Variants in PTPRC observed in about 807,000 individuals in gnomAD.
The protein encoded by PTPRC is receptor-type tyrosine-protein phosphatase C.
A neutral mutation model predicts 155.9 loss-of-function variants in PTPRC; 44 were observed. The ratio of observed to expected loss-of-function variants is 0.28; its 90% CI spans 0.22 to 0.36. The LOEUF is 0.36. Ranked by LOEUF, PTPRC falls within the 10% of genes least tolerant of loss-of-function variation. The pLI is 1.00. For synonymous variants in PTPRC, 525 were observed against 533.1 expected, an observed-to-expected ratio of 0.98 and a Z score of 0.21; for missense variants, 1,401 against 1,564.6, an observed-to-expected ratio of 0.90 and a Z score of 1.76.
At chr1:198,675,793 A>G (rs1017795797) in intron 2 of PTPRC, among the ~76,000 whole-genome samples, 1 of 152,194 alleles carries the variant, frequency 6.6e-6, no homozygotes, top group African/African-American at 2.4e-5. Context: ...TCTTCCTAAT[A>G]TCTAGCTTTA....
In PTPRC at chr1:198,708,055, A is replaced by T. The variant is rs41314041; in HGVS notation, c.905-78A>T. 21,602 of 1,374,810 alleles carry T rather than the reference A, an allele frequency of 0.016. 241 individuals carry two copies. Among genetic ancestry groups the T allele is most frequent in the Non-Finnish European group, 0.016 (15,705 of 978,592 alleles). The allele number at this position is 1,374,810 out of a possible 1,614,324, so 85.2% of individuals were successfully genotyped here. On this transcript the variant is annotated intron_variant, in intron 9 of 32. Coordinates refer to ENST00000442510, the MANE Select transcript of PTPRC (RefSeq NM_002838.5). ...AGCATAATTTCAGTGGCTTTAACTGACATGTTAGGAATGAATGAGGGCTTA... is the reference window on the plus strand; with the variant it reads ...AGCATAATTTCAGTGGCTTTAACTGTCATGTTAGGAATGAATGAGGGCTTA...
Position 198,716,979 on chromosome 1 carries a change from C to T in PTPRC, c.1450+139C>T, listed in dbSNP as rs36126034. 458 of 745,882 alleles carry T rather than the reference C, an allele frequency of 6.1e-4. 2 individuals are homozygous for T. Among genetic ancestry groups the T allele is most frequent in the Non-Finnish European group, 8.3e-4 (376 of 452,100 alleles). The allele number at this position is 745,882 out of a possible 1,614,324, so 46.2% of individuals were successfully genotyped here. A position where few individuals can be genotyped will look rare whatever the true frequency, so the allele number is the denominator to read the frequency against. ...TGTTAACATCTAGGGCTTATAAACA[C>T]GTAAAATCTAAAAGTTTAAAAACCG... is the stretch of plus-strand genomic sequence containing the variant. On this transcript the variant is annotated intron_variant, in intron 13 of 32. Transcript: ENST00000442510.
At chr1:198,671,086 T>C (rs1441653062) in intron 2 of PTPRC, among the ~76,000 whole-genome samples, 1 of 152,116 alleles carries the variant, frequency 6.6e-6, no homozygotes, top group Non-Finnish European at 1.5e-5. Flanking sequence ...TAATCATTTG[T>C]CAATTAAAAA....
At chr1:198,716,440 C>T (rs996285557) in intron 12 of PTPRC, among the ~76,000 whole-genome samples, 9 of 152,160 alleles carry the variant, frequency 5.9e-5, no homozygotes, top group African/African-American at 1.2e-4. Flanking sequence ...ATTTTATGTA[C>T]CAAATTAATG....
intron 8 of PTPRC, among the ~76,000 whole-genome samples, chr1:198,705,912 A>G (rs1652933814): frequency 6.6e-6 from 1 of 152,180 alleles, no homozygotes. Flanking sequence ...TCCAAATGGA[A>G]CAGATCTCTC....
chr1:198,640,654 T>A (rs562134634), intron 2 of PTPRC, among the ~76,000 whole-genome samples: 4 of 152,146 alleles, frequency 2.6e-5, no homozygotes, highest in African/African-American at 9.6e-5. Flanking sequence ...AATGAAGTGA[T>A]ATATGTATAT....
chr1:198,754,604 A>G, intron 32 of PTPRC, 200 bp downstream of exon 32: 1 of 599,348 alleles, frequency 1.7e-6, no homozygotes, highest in Non-Finnish European at 2.8e-6. Context: ...ATAAGTCTAA[A>G]TAAGAGCCTA....
rs1655287466 is a variant in PTPRC at position 198,749,552 on chromosome 1, A to G, written c.3072+3A>G. On this transcript the variant is annotated splice_donor_region_variant and intron_variant, in intron 28 of 32. Coordinates refer to ENST00000442510, the MANE Select transcript of PTPRC (RefSeq NM_002838.5). ...ACATCAATGCATCTTTTATAATGGT[A>G]GGTACTTAAATTGCCAAAACCCAAG... 6.2e-7 allele frequency: 1 copy of G among 1,610,382 alleles called. No homozygotes were observed. The highest frequency in any genetic ancestry group is 8.5e-7 in the Non-Finnish European group (1 of 1,177,754).
At chr1:198,706,618 T>C in intron 8 of PTPRC, 116 bp from the exon 9 acceptor site, 2 of 1,175,770 alleles carry the variant, frequency 1.7e-6, no homozygotes, top group Non-Finnish European at 2.4e-6. Context: ...AATGTGTTTT[T>C]TCTTTTTCAT....
intron 2 of PTPRC, among the ~76,000 whole-genome samples, chr1:198,647,264 C>G (rs1223886486): frequency 1.3e-5 from 2 of 151,862 alleles, no homozygotes; most frequent in Non-Finnish European, 2.9e-5. Flanking sequence ...TTGGAGTTCT[C>G]TTTACCAGGC....
Position 198,696,501 on chromosome 1 carries a change from A to T in PTPRC, c.101-211A>T, listed in dbSNP as rs561177762. ...TATCTCTGTATGCATCAATATTTGT[A>T]TATATGCATGCATATATGTGTATGT... On this transcript the variant is annotated intron_variant, in intron 3 of 32. Transcript: ENST00000442510. 3.3e-5 allele frequency among the ~76,000 whole-genome samples: 5 copies of T among 152,238 alleles called. No individual in the cohort carries two copies. In the South Asian group the frequency reaches 1.0e-3, roughly 32 times the overall value.
chr1:198,687,043 TCACC>T (rs1466451091), intron 2 of PTPRC, among the ~76,000 whole-genome samples: 2 of 152,130 alleles, frequency 1.3e-5, no homozygotes, highest in Non-Finnish European at 2.9e-5. Context: ...TCTCACCCTG[TCACC>T]CAGGCTGGAG....
rs535838334 is a variant in PTPRC, at chr1:198,654,614, C to T, written c.73+15273C>T. Among the ~76,000 whole-genome samples the T allele has an allele frequency of 7.3e-5, 11 of 151,684 alleles. No homozygotes were observed. The South Asian group carries it at 1.9e-3, about 26-fold the overall frequency. ...TGGTATTTAACAACCAAATTTGGCC[C>T]CTCCCTCCCCTTAAATATATTTCCA... On this transcript the variant is annotated intron_variant, in intron 2 of 32. Coordinates refer to ENST00000442510, the MANE Select transcript of PTPRC (RefSeq NM_002838.5).
At chr1:198,686,918 AC>A (rs1436295469) in intron 2 of PTPRC, among the ~76,000 whole-genome samples, 6 of 152,252 alleles carry the variant, frequency 3.9e-5, no homozygotes, top group African/African-American at 1.4e-4. Flanking sequence ...TTGGACAAGC[AC>A]AGTAATATTT....
chr1:198,732,887 A>G (rs559417299), intron 20 of PTPRC, among the ~76,000 whole-genome samples: 16 of 152,006 alleles, frequency 1.1e-4, no homozygotes, highest in African/African-American at 3.9e-4. Context: ...CATGTGCCGT[A>G]TAGGTGAGGA....
At chr1:198,734,711 C>A (rs995927504) in intron 22 of PTPRC, among the ~76,000 whole-genome samples, 3 of 151,660 alleles carry the variant, frequency 2.0e-5, no homozygotes, top group African/African-American at 7.3e-5. Flanking sequence ...CAGTATATTT[C>A]ACTGTTTTAA....
intron 29 of PTPRC, among the ~76,000 whole-genome samples, chr1:198,751,184 T>G (rs528877716): frequency 6.6e-6 from 1 of 152,156 alleles, no homozygotes; most frequent in African/African-American, 2.4e-5. Flanking sequence ...TCCTGAAAAA[T>G]GTATCTATAT....
At chr1:198,660,440 A>G (rs2102250380) in intron 2 of PTPRC, among the ~76,000 whole-genome samples, 1 of 151,690 alleles carries the variant, frequency 6.6e-6, no homozygotes, top group African/African-American at 2.4e-5. Context: ...GTTATATGAA[A>G]GAGGAAATAT....
rs912497010 is a variant in PTPRC, at chr1:198,732,664, T to C, written c.2142+108T>C. 10 of 862,386 alleles carry C rather than the reference T, an allele frequency of 1.2e-5. No individual in the cohort carries two copies. The East Asian group carries it at 2.1e-4, about 18-fold the overall frequency. 53.4% of individuals were successfully genotyped at this position (862,386 alleles called of 1,614,324 possible). ...TTAAAAATATTTTGAAGTGAGCCCA[T>C]ATGTCACTGATATAAACAAAAAATT... On this transcript the variant is annotated intron_variant, in intron 20 of 32. Transcript: ENST00000442510.
Sources: allele counts gnomAD v4.1 joint callset (sites outside exome capture counted in the v4.1 genomes callset), GRCh38; gene constraint gnomAD v4.1.1; transcripts MANE v1.5; gene names NCBI Gene and HGNC (gene_info 2026-07-23, HGNC 2026-07-21).